ZNF827: variants seen among roughly 807,000 people sequenced by gnomAD.
The protein encoded by ZNF827 is zinc finger protein 827.
A neutral mutation model predicts 102.4 loss-of-function variants in ZNF827; 13 were observed. The observed-to-expected ratio is 0.13, with a 90% CI of 0.08 to 0.20. The LOEUF (loss-of-function observed/expected upper bound fraction) is 0.20. Among genes scored for constraint, ZNF827 ranks in the 10% least tolerant of loss-of-function variants. ZNF827 has a pLI of 1.00. For synonymous variants in ZNF827, 523 were observed against 536.2 expected, an observed-to-expected ratio of 0.98 and a Z score of 0.34; for missense variants, 1,103 against 1,344.4, an observed-to-expected ratio of 0.82 and a Z score of 2.81.
chr4:145,850,104 G>A (rs914257568), intron 5 of ZNF827, among the ~76,000 whole-genome samples: 1 of 151,864 alleles, frequency 6.6e-6, no homozygotes, highest in Non-Finnish European at 1.5e-5. Flanking sequence ...CCACCTCCCA[G>A]GTTTAAGAGA....
chr4:145,914,014 T>A (rs1465490087), intron 1 of ZNF827, among the ~76,000 whole-genome samples: 1 of 151,910 alleles, frequency 6.6e-6, no homozygotes, highest in Non-Finnish European at 1.5e-5. Context: ...GATAAATGAC[T>A]ACTTATCAAA....
chr4:145,932,449 A>G (rs527790570), intron 1 of ZNF827, among the ~76,000 whole-genome samples: 1 of 151,578 alleles, frequency 6.6e-6, no homozygotes. Context: ...CTACAAGAAC[A>G]TGTTGACATT....
chr4:145,766,430 G>T (rs953221740), intron 11 of ZNF827, among the ~76,000 whole-genome samples: 1 of 152,170 alleles, frequency 6.6e-6, no homozygotes, highest in Non-Finnish European at 1.5e-5. Flanking sequence ...AAGAAAAGTG[G>T]CCCCTGAGAG....
intron 7 of ZNF827, among the ~76,000 whole-genome samples, chr4:145,828,987 C>T (rs2126529531): frequency 6.6e-6 from 1 of 152,270 alleles, no homozygotes; most frequent in Middle Eastern, 3.4e-3. Flanking sequence ...TCAACCCTCC[C>T]CAAGTGCCAC....
At chr4:145,811,543 G>A (rs182612720) in intron 8 of ZNF827, among the ~76,000 whole-genome samples, 1 of 152,224 alleles carries the variant, frequency 6.6e-6, no homozygotes, top group Non-Finnish European at 1.5e-5. Context: ...CTTGACAGCT[G>A]TAGAATGTTG....
At chr4:145,839,211 G>A (rs1579337019) in intron 7 of ZNF827, 1 of 152,304 alleles carries the variant, frequency 6.6e-6, no homozygotes, top group East Asian at 1.9e-4. Flanking sequence ...ACAAGTTTCT[G>A]TTGCTGCTGC....
chr4:145,778,461 T>C (rs558928719), intron 9 of ZNF827, among the ~76,000 whole-genome samples: 2 of 152,228 alleles, frequency 1.3e-5, no homozygotes, highest in East Asian at 3.9e-4. Context: ...TTAAAAAAGT[T>C]AGCTGGGCAT....
At chr4:145,772,740 C>T (rs574712109) in intron 11 of ZNF827, among the ~76,000 whole-genome samples, 1 of 152,352 alleles carries the variant, frequency 6.6e-6, no homozygotes, top group African/African-American at 2.4e-5. Context: ...ATTAAAGGCT[C>T]CTACTGAATT....
chr4:145,850,793 TAGAC>T (rs1197173757), intron 5 of ZNF827, among the ~76,000 whole-genome samples: 2 of 152,184 alleles, frequency 1.3e-5, no homozygotes, highest in Non-Finnish European at 1.5e-5. Flanking sequence ...AGATAGATGA[TAGAC>T]AGACAGATAG....
At chr4:145,808,657 T>A (rs1360014578) in intron 8 of ZNF827, among the ~76,000 whole-genome samples, 1 of 152,256 alleles carries the variant, frequency 6.6e-6, no homozygotes, top group Non-Finnish European at 1.5e-5. Context: ...AGCACTTTGA[T>A]ACCTTAAAGA....
chr4:145,898,781 A>C (rs1048422325), intron 2 of ZNF827, among the ~76,000 whole-genome samples: 3 of 152,214 alleles, frequency 2.0e-5, no homozygotes, highest in African/African-American at 7.2e-5. Flanking sequence ...TGTTCAAAAA[A>C]GAAGAATAAG....
At chr4:145,840,986 T>C (rs1745361537) in intron 7 of ZNF827, among the ~76,000 whole-genome samples, 1 of 152,258 alleles carries the variant, frequency 6.6e-6, no homozygotes, top group African/African-American at 2.4e-5. Context: ...TATCTTTCTC[T>C]GATTTTCCCA....
chr4:145,921,187 G>GA (rs1353925345), intron 1 of ZNF827, among the ~76,000 whole-genome samples: 5 of 152,158 alleles, frequency 3.3e-5, no homozygotes, highest in African/African-American at 1.2e-4. Flanking sequence ...AATACGCCAA[G>GA]AAAAGGAGGT....
intron 5 of ZNF827, among the ~76,000 whole-genome samples, chr4:145,851,962 A>T (rs1746577735): frequency 6.6e-6 from 1 of 152,268 alleles, no homozygotes; most frequent in East Asian, 1.9e-4. Flanking sequence ...CTCCAGCCAG[A>T]TCAGCCACCC....
intron 4 of ZNF827, among the ~76,000 whole-genome samples, chr4:145,873,672 G>A (rs775993172): frequency 6.6e-6 from 1 of 152,172 alleles, no homozygotes; most frequent in Non-Finnish European, 1.5e-5. Context: ...CCTCAAATAT[G>A]TACTTCCAAC....
chr4:145,787,514 T>C (rs1003833497), intron 8 of ZNF827, among the ~76,000 whole-genome samples: 6 of 151,766 alleles, frequency 4.0e-5, no homozygotes, highest in African/African-American at 1.2e-4. Flanking sequence ...TGTGCTCAGT[T>C]AGAAACACTG....
rs547163744 is a variant in ZNF827, at chr4:145,875,678, A to C, written c.1748-5200T>G. Among the ~76,000 whole-genome samples the C allele has an allele frequency of 1.4e-3, 216 of 152,322 alleles. 1 individual carries two copies. Among genetic ancestry groups the C allele is most frequent in the African/African-American group, 4.7e-3 (195 of 41,568 alleles). On this transcript the variant is annotated intron_variant, in intron 4 of 14. Transcript: ENST00000508784. ...CACCTTTTCTTGAGCTTAATAAGAC[A>C]GAACTCTCCTTCAGTTCAACGTATG... is the stretch of plus-strand genomic sequence containing the variant.
At chr4:145,903,711 T>C (rs1242163595) in intron 1 of ZNF827, among the ~76,000 whole-genome samples, 2 of 152,232 alleles carry the variant, frequency 1.3e-5, no homozygotes, top group South Asian at 2.1e-4. Flanking sequence ...GAGAATCCAC[T>C]TCCTCCAATA....
chr4:145,896,219 A>G (rs1486056692), intron 2 of ZNF827, among the ~76,000 whole-genome samples: 1 of 152,238 alleles, frequency 6.6e-6, no homozygotes, highest in African/African-American at 2.4e-5. Context: ...AAAACTCACC[A>G]TCAGAGCAGA....
Sources: allele counts gnomAD v4.1 joint callset (sites outside exome capture counted in the v4.1 genomes callset), GRCh38; gene constraint gnomAD v4.1.1; transcripts MANE v1.5; gene names NCBI Gene and HGNC (gene_info 2026-07-23, HGNC 2026-07-21).